The following APBA1 variants were observed in gnomAD, a reference collection of about 807,000 sequenced individuals.
The protein encoded by APBA1 is amyloid beta precursor protein binding family A member 1, also known as amyloid-beta A4 precursor protein-binding family A member 1.
APBA1 carries 55 observed loss-of-function variants against 86.6 expected under a neutral mutation model. The ratio of observed to expected loss-of-function variants is 0.64; its 90% CI spans 0.51 to 0.80. The LOEUF (loss-of-function observed/expected upper bound fraction) is 0.80, where lower values mean the gene tolerates loss of function less well. Ranked by LOEUF, APBA1 falls within the 30% of genes least tolerant of loss-of-function variation. The pLI is 0.00. For missense variants in APBA1, 1,090 were observed against 1,183.0 expected (o/e 0.92, Z 1.15); for synonymous variants, 511 against 493.9 (o/e 1.03, Z -0.46).
intron 1 of APBA1, among the ~76,000 whole-genome samples, chr9:69,536,046 GT>G (rs10579030): frequency 0.64 from 92,167 of 143,662 alleles, 29,686 homozygotes; most frequent in Non-Finnish European, 0.7. Context: ...GCAGTTTTTT[GT>G]TTTTTTTTTT....
At chr9:69,623,209 A>T (rs1392491431) in intron 1 of APBA1, among the ~76,000 whole-genome samples, 1 of 152,094 alleles carries the variant, frequency 6.6e-6, no homozygotes, top group Non-Finnish European at 1.5e-5. Flanking sequence ...GAGTGCTGGG[A>T]GTCTACTGCG....
chr9:69,439,973 C>A (rs1834782749), intron 11 of APBA1, among the ~76,000 whole-genome samples: 1 of 152,150 alleles, frequency 6.6e-6, no homozygotes, highest in African/African-American at 2.4e-5. Context: ...TTTGGATGTC[C>A]TTTCTGTTTG....
At chr9:69,658,740 C>A (rs373594398) in intron 1 of APBA1, among the ~76,000 whole-genome samples, 1 of 152,064 alleles carries the variant, frequency 6.6e-6, no homozygotes, top group Non-Finnish European at 1.5e-5. Context: ...TCCCACCCAA[C>A]AGCCAGCACC....
intron 11 of APBA1, 112 bp from the exon 12 acceptor site, chr9:69,432,788 A>G (rs1834627834): frequency 1.8e-6 from 2 of 1,125,752 alleles, no homozygotes; most frequent in Non-Finnish European, 1.2e-6. Context: ...AGAAACTGAC[A>G]TGGTTAGGCT....
intron 1 of APBA1, among the ~76,000 whole-genome samples, chr9:69,550,121 T>C (rs1197226766): frequency 2.0e-5 from 3 of 152,262 alleles, no homozygotes; most frequent in Non-Finnish European, 4.4e-5. Context: ...TATAATCTTT[T>C]GGTTCATGAT....
At chr9:69,533,224 G>T (rs1836459897) in intron 1 of APBA1, among the ~76,000 whole-genome samples, 1 of 152,056 alleles carries the variant, frequency 6.6e-6, no homozygotes, top group Non-Finnish European at 1.5e-5. Flanking sequence ...TGATAAGTAA[G>T]AAATTAATAA....
At chr9:69,547,678 T>C (rs1192284385) in intron 1 of APBA1, among the ~76,000 whole-genome samples, 1 of 152,254 alleles carries the variant, frequency 6.6e-6, no homozygotes, top group Non-Finnish European at 1.5e-5. Flanking sequence ...ATTTTTAAGA[T>C]AGTTTAATGC....
intron 1 of APBA1, among the ~76,000 whole-genome samples, chr9:69,650,884 CA>C (rs1262622919): frequency 3.1e-4 from 47 of 152,226 alleles, no homozygotes; most frequent in African/African-American, 1.1e-3. Flanking sequence ...CAACTAAACA[CA>C]TGCCCATCCC....
intron 1 of APBA1, among the ~76,000 whole-genome samples, chr9:69,665,484 C>T (rs796795719): frequency 2.0e-5 from 3 of 152,184 alleles, no homozygotes; most frequent in African/African-American, 7.2e-5. Context: ...GAGCTTTACC[C>T]TCATTCTTTA....
intron 10 of APBA1, among the ~76,000 whole-genome samples, chr9:69,443,198 C>G (rs1564030678): frequency 6.6e-6 from 1 of 152,198 alleles, no homozygotes. Flanking sequence ...CCAAGCCCCA[C>G]TGAATCAGAA....
chr9:69,483,379 G>A (rs553790526), intron 2 of APBA1, among the ~76,000 whole-genome samples: 2 of 152,058 alleles, frequency 1.3e-5, no homozygotes, highest in Non-Finnish European at 2.9e-5. Flanking sequence ...GATCTCTCGG[G>A]ACCAGCCCCC....
At chr9:69,628,390 G>A (rs1290174530) in intron 1 of APBA1, among the ~76,000 whole-genome samples, 2 of 152,150 alleles carry the variant, frequency 1.3e-5, no homozygotes, top group Admixed American at 6.6e-5. Flanking sequence ...GTGGTGATGT[G>A]TTATGCAGAA....
chr9:69,530,661 A>C (rs1010054302), intron 1 of APBA1, among the ~76,000 whole-genome samples: 4 of 152,174 alleles, frequency 2.6e-5, no homozygotes, highest in African/African-American at 7.2e-5. Flanking sequence ...CCCAGTCCCC[A>C]CCAGTATGCA....
intron 2 of APBA1, among the ~76,000 whole-genome samples, chr9:69,499,891 G>C (rs1835856180): frequency 6.6e-6 from 1 of 152,074 alleles, no homozygotes; most frequent in African/African-American, 2.4e-5. Flanking sequence ...CTCCATCTCA[G>C]CAGGAGAGTG....
chr9:69,529,896 A>T (rs915824923), intron 1 of APBA1, among the ~76,000 whole-genome samples: 1 of 152,158 alleles, frequency 6.6e-6, no homozygotes, highest in African/African-American at 2.4e-5. Context: ...ACATGAGCAG[A>T]CATTTCTCAA....
rs748930372 is a variant in APBA1 at position 69,617,491 on chromosome 9, T to C, written c.-70+54662A>G. 1.3e-3 allele frequency among the ~76,000 whole-genome samples: 192 copies of C among 152,132 alleles called. 1 individual carries two copies. Among genetic ancestry groups the C allele is most frequent in the Non-Finnish European group, 1.5e-3 (104 of 68,000 alleles). On this transcript the variant is annotated intron_variant, in intron 1 of 12. Coordinates refer to ENST00000265381, the MANE Select transcript of APBA1 (RefSeq NM_001163.4). ...TGTGTATCCAGCCTAGATTTGACCA[T>C]TACCAACACCAACAAATATTTATTG...
Position 69,656,683 on chromosome 9 carries a change from C to T in APBA1, c.-70+15470G>A, listed in dbSNP as rs1369402898. Among the ~76,000 whole-genome samples, 3 of 152,204 alleles carry T rather than the reference C, an allele frequency of 2.0e-5. No individual in the cohort carries two copies. In the East Asian group the frequency reaches 5.8e-4, roughly 29 times the overall value. ...TTCAGATATGTGAAAATTTAGCAAGCTCTACGCTTGATATTTCTGTTTCTT... is the reference window on the plus strand; with the variant it reads ...TTCAGATATGTGAAAATTTAGCAAGTTCTACGCTTGATATTTCTGTTTCTT... On this transcript the variant is annotated intron_variant, in intron 1 of 12. Coordinates refer to ENST00000265381, the MANE Select transcript of APBA1 (RefSeq NM_001163.4).
intron 1 of APBA1, among the ~76,000 whole-genome samples, chr9:69,637,272 TTAGA>T (rs1364378464): frequency 3.3e-5 from 5 of 152,148 alleles, no homozygotes; most frequent in East Asian, 1.9e-4. Flanking sequence ...AAAAATATAG[TTAGA>T]TAGAATAAAT....
At chr9:69,569,600 C>T (rs1401562684) in intron 1 of APBA1, among the ~76,000 whole-genome samples, 1 of 151,854 alleles carries the variant, frequency 6.6e-6, no homozygotes, top group Non-Finnish European at 1.5e-5. Context: ...ACTGAGAAAC[C>T]CTCAAAAAAA....
Sources: allele counts gnomAD v4.1 joint callset (sites outside exome capture counted in the v4.1 genomes callset), GRCh38; gene constraint gnomAD v4.1.1; transcripts MANE v1.5; gene names NCBI Gene and HGNC (gene_info 2026-07-23, HGNC 2026-07-21).